The following ZNF609 variants were observed in gnomAD, a reference collection of about 807,000 sequenced individuals.
The protein encoded by ZNF609 is zinc finger protein 609.
ZNF609 carries 11 observed loss-of-function variants against 109.5 expected under a neutral mutation model. The ratio of observed to expected loss-of-function variants is 0.10; its 90% CI spans 0.06 to 0.17. The LOEUF is 0.17. Ranked by LOEUF, ZNF609 falls within the 10% of genes least tolerant of loss-of-function variation. The probability of loss-of-function intolerance (pLI) is 1.00; values close to 1 mark genes in which losing one functional copy is unlikely to be tolerated. For synonymous variants in ZNF609, 646 were observed against 662.0 expected (o/e 0.98, Z 0.37); for missense variants, 1,559 against 1,772.4 (o/e 0.88, Z 2.16).
intron 2 of ZNF609, among the ~76,000 whole-genome samples, chr15:64,539,163 C>CTTATTTATTTATTTAT (rs753926623): frequency 4.4e-5 from 6 of 135,418 alleles, no homozygotes; most frequent in Non-Finnish European, 7.7e-5. Flanking sequence ...GCCACCATGC[C>CTTATTTATTTATTTAT]TTATTTATTT....
chr15:64,598,722 C>T (rs1895438961), intron 2 of ZNF609, among the ~76,000 whole-genome samples: 1 of 111,408 alleles, frequency 9.0e-6, no homozygotes, highest in Admixed American at 1.1e-4. Flanking sequence ...GAAAACTGTC[C>T]ATCATACATC....
At chr15:64,578,045 G>T (rs577133209) in intron 2 of ZNF609, among the ~76,000 whole-genome samples, 1 of 149,314 alleles carries the variant, frequency 6.7e-6, no homozygotes, top group South Asian at 2.1e-4. Flanking sequence ...TTATCTGCTT[G>T]TTAGGATATG....
At chr15:64,587,589 T>C (rs1446989104) in intron 2 of ZNF609, among the ~76,000 whole-genome samples, 1 of 152,188 alleles carries the variant, frequency 6.6e-6, no homozygotes, top group Non-Finnish European at 1.5e-5. Flanking sequence ...AAGTGTTCAT[T>C]GATTATACTC....
chr15:64,560,525 G>A (rs1351784138), intron 2 of ZNF609, among the ~76,000 whole-genome samples: 2 of 151,988 alleles, frequency 1.3e-5, no homozygotes, highest in Non-Finnish European at 2.9e-5. Flanking sequence ...TTATTTAGAT[G>A]CTAAGAGAAA....
At chr15:64,681,189 A>G in intron 8 of ZNF609, 120 bp from the exon 9 acceptor site, 1 of 873,964 alleles carries the variant, frequency 1.1e-6, no homozygotes, top group Non-Finnish European at 1.8e-6. Context: ...ATCTATCTCC[A>G]GCAAATATAT....
Position 64,678,348 on chromosome 15 carries a change from T to C in ZNF609, c.3635T>C (p.Val1212Ala), listed in dbSNP as rs764312413. Residue 1212 changes from valine (V) to alanine (A), a missense_variant, in exon 6 of 10, where the codon GTG becomes GCG. Transcript: ENST00000326648. ...GSKEPRPSVH[V>A]PVSSPLTQHQ... ...AAGGAGCCCCGGCCAAGTGTCCATG[T>C]GCCTGTGTCCTCCCCACTTACCCAG... 3.7e-6 allele frequency: 6 copies of C among 1,614,018 alleles called. No individual in the cohort carries two copies. The highest frequency in any genetic ancestry group is 4.2e-6 in the Non-Finnish European group (5 of 1,180,022).
intron 2 of ZNF609, among the ~76,000 whole-genome samples, chr15:64,561,124 C>T (rs1183751573): frequency 6.6e-6 from 1 of 152,184 alleles, no homozygotes; most frequent in Non-Finnish European, 1.5e-5. Context: ...TTCCTGGTCC[C>T]TCATCCTGGT....
intron 1 of ZNF609, among the ~76,000 whole-genome samples, chr15:64,482,329 C>T (rs1007170531): frequency 6.6e-6 from 1 of 151,898 alleles, no homozygotes; most frequent in African/African-American, 2.4e-5. Flanking sequence ...CTAGAAGTCC[C>T]AGGAATTATC....
chr15:64,578,551 T>G (rs568779020), intron 2 of ZNF609, among the ~76,000 whole-genome samples: 3 of 151,854 alleles, frequency 2.0e-5, no homozygotes, highest in Non-Finnish European at 4.4e-5. Flanking sequence ...AAATCAGCCA[T>G]GTGTGGTGGC....
chr15:64,532,668 T>A (rs181021399), intron 2 of ZNF609, among the ~76,000 whole-genome samples: 99 of 152,352 alleles, frequency 6.5e-4, no homozygotes, highest in African/African-American at 2.3e-3. Flanking sequence ...GTGAGTGCAT[T>A]TGCAGGACAT....
At chr15:64,645,241 C>A (rs758677714) in intron 3 of ZNF609, among the ~76,000 whole-genome samples, 4 of 151,840 alleles carry the variant, frequency 2.6e-5, no homozygotes, top group Admixed American at 1.3e-4. Context: ...CAGGCGTGTG[C>A]CACCATGCTC....
intron 2 of ZNF609, among the ~76,000 whole-genome samples, chr15:64,527,104 G>A (rs1893977324): frequency 6.6e-6 from 1 of 151,798 alleles, no homozygotes; most frequent in Non-Finnish European, 1.5e-5. Context: ...AGAGCACCTA[G>A]CTTCTAGTGT....
chr15:64,480,959 A>G (rs1782470145), intron 1 of ZNF609, among the ~76,000 whole-genome samples: 1 of 152,244 alleles, frequency 6.6e-6, no homozygotes, highest in Non-Finnish European at 1.5e-5. Context: ...CATACAAAGC[A>G]AATAAATAAC....
At chr15:64,642,567 G>A (rs1896277765) in intron 3 of ZNF609, among the ~76,000 whole-genome samples, 1 of 152,182 alleles carries the variant, frequency 6.6e-6, no homozygotes, top group Admixed American at 6.5e-5. Flanking sequence ...GCCAAGGTGG[G>A]AGGATTACTT....
chr15:64,484,789 C>T (rs890477761), intron 1 of ZNF609, among the ~76,000 whole-genome samples: 1 of 149,586 alleles, frequency 6.7e-6, no homozygotes, highest in Non-Finnish European at 1.5e-5. Context: ...TCCTGGCCAA[C>T]ATGGTGAAAC....
At chr15:64,469,427 CAAAAAA>C (rs34210041) in intron 1 of ZNF609, among the ~76,000 whole-genome samples, 2 of 73,572 alleles carry the variant, frequency 2.7e-5, no homozygotes, top group South Asian at 5.5e-4. Context: ...ACCCTATTTC[CAAAAAA>C]AAAAAAAAAA....
intron 3 of ZNF609, among the ~76,000 whole-genome samples, chr15:64,663,635 G>A (rs1896609607): frequency 6.6e-6 from 1 of 152,180 alleles, no homozygotes; most frequent in South Asian, 2.1e-4. Context: ...TGACCAGAGA[G>A]ATAGGAGGAA....
Position 64,499,642 on chromosome 15 carries a change from G to T in ZNF609, c.223G>T (p.Val75Leu). 1.9e-6 allele frequency: 3 copies of T among 1,614,160 alleles called. No individual in the cohort carries two copies. The highest frequency in any genetic ancestry group is 1.7e-5 in the Admixed American group (1 of 60,016). The change falls in exon 2 of 10, where the codon GTG (valine) becomes TTG (leucine). Residue 75 changes from valine to leucine, a missense_variant. Transcript: ENST00000326648. ...VATLPDNIKFVTPVPGPQGKE... is the reference protein window; with the variant it reads ...VATLPDNIKFLTPVPGPQGKE... Reference sequence around the variant, plus strand: ...CACACTACCAGACAACATCAAGTTTGTGACCCCAGTGCCAGGTCCTCAAGG... The same window carrying T: ...CACACTACCAGACAACATCAAGTTTTTGACCCCAGTGCCAGGTCCTCAAGG...
chr15:64,547,364 C>G (rs950296562), intron 2 of ZNF609, among the ~76,000 whole-genome samples: 24 of 151,982 alleles, frequency 1.6e-4, no homozygotes, highest in Admixed American at 6.6e-5. Context: ...TATTTGAGAG[C>G]CTTATCTTTG....
Sources: gnomAD v4.1 joint callset for allele counts (sites outside exome capture counted in the v4.1 genomes callset) on GRCh38, gnomAD v4.1.1 for gene constraint, MANE v1.5 for transcripts, NCBI Gene and HGNC (gene_info 2026-07-23, HGNC 2026-07-21) for gene names.